Variants in NKAIN2 observed in about 807,000 individuals in gnomAD.
The protein encoded by NKAIN2 is sodium/potassium-transporting ATPase subunit beta-1-interacting protein 2.
In NKAIN2, 14 loss-of-function variants were observed where a neutral mutation model predicts 32.6. The ratio of observed to expected loss-of-function variants is 0.43; its 90% confidence interval spans 0.28 to 0.67. The LOEUF (loss-of-function observed/expected upper bound fraction) is 0.67. Among genes scored for constraint, NKAIN2 ranks in the 30% least tolerant of loss-of-function variants. NKAIN2 has a pLI of 0.17. For synonymous variants in NKAIN2, 80 were observed against 87.2 expected (o/e 0.92, Z 0.46); for missense variants, 198 against 258.3 (o/e 0.77, Z 1.60).
intron 1 of NKAIN2, among the ~76,000 whole-genome samples, chr6:123,948,821 G>A (rs993616628): frequency 6.6e-6 from 1 of 151,434 alleles, no homozygotes. Flanking sequence ...AGGTCTTAGC[G>A]ATAAAATGTT....
chr6:124,351,529 A>G (rs945345765), intron 2 of NKAIN2, among the ~76,000 whole-genome samples: 1 of 151,820 alleles, frequency 6.6e-6, no homozygotes, highest in Non-Finnish European at 1.5e-5. Flanking sequence ...AAAAAAGAAA[A>G]GAAGAAGAAA....
chr6:124,392,464 G>T (rs1376872822), intron 3 of NKAIN2, among the ~76,000 whole-genome samples: 1 of 152,100 alleles, frequency 6.6e-6, no homozygotes, highest in Non-Finnish European at 1.5e-5. Context: ...CATAAGCAAA[G>T]CAGAGATTAA....
Position 123,867,910 on chromosome 6 carries a change from C to T in NKAIN2, c.54+63656C>T, listed in dbSNP as rs1237454093. 3.3e-5 allele frequency among the ~76,000 whole-genome samples: 5 copies of T among 150,196 alleles called. No individual in the cohort carries two copies. In the East Asian group the frequency reaches 9.8e-4, roughly 29 times the overall value. On this transcript the variant is annotated intron_variant, in intron 1 of 6. Coordinates refer to ENST00000368417, the MANE Select transcript of NKAIN2 (RefSeq NM_001040214.3). ...TTCAGACAGAGTCTTGCTCTGTCGC[C>T]CAGGCTGGAGTGCAGTGGCGTGATC...
chr6:124,057,013 TTTG>T (rs1230950655), intron 1 of NKAIN2, among the ~76,000 whole-genome samples: 2 of 152,218 alleles, frequency 1.3e-5, no homozygotes, highest in Middle Eastern at 3.4e-3. Flanking sequence ...TTCCAATTAA[TTTG>T]TTTTCACCTA....
intron 1 of NKAIN2, among the ~76,000 whole-genome samples, chr6:124,256,098 C>T (rs961776262): frequency 6.6e-6 from 1 of 152,154 alleles, no homozygotes; most frequent in Admixed American, 6.5e-5. Context: ...TTAGTCTATT[C>T]TCAGCAAGTC....
intron 2 of NKAIN2, among the ~76,000 whole-genome samples, chr6:124,338,327 A>G (rs117280142): frequency 0.015 from 2,243 of 152,308 alleles, 32 homozygotes; most frequent in Non-Finnish European, 0.022. Context: ...TAGTAATTTA[A>G]ACTCTCTCCC....
chr6:124,789,911 A>C (rs6932595), intron 4 of NKAIN2, among the ~76,000 whole-genome samples: 74,584 of 151,768 alleles, frequency 0.49, 18,451 homozygotes, highest in East Asian at 0.61. Flanking sequence ...TGACTCTCTA[A>C]GATGTGTACT....
At chr6:124,816,613 A>C (rs1415924341) in intron 5 of NKAIN2, among the ~76,000 whole-genome samples, 1 of 152,204 alleles carries the variant, frequency 6.6e-6, no homozygotes, top group East Asian at 1.9e-4. Flanking sequence ...GTTTTTTTCT[A>C]AGAGAAAACA....
chr6:124,656,218 C>T (rs960922643), intron 3 of NKAIN2, among the ~76,000 whole-genome samples: 11 of 152,166 alleles, frequency 7.2e-5, no homozygotes, highest in African/African-American at 2.7e-4. Context: ...AATAGCAGAT[C>T]TCCTACTTTT....
intron 4 of NKAIN2, among the ~76,000 whole-genome samples, chr6:124,767,465 CTCT>C (rs1443352087): frequency 6.6e-6 from 1 of 152,106 alleles, no homozygotes; most frequent in African/African-American, 2.4e-5. Context: ...ATTACCTTTA[CTCT>C]TAAGATGGGG....
At chr6:123,909,694 T>C (rs1198763762) in intron 1 of NKAIN2, among the ~76,000 whole-genome samples, 6 of 152,224 alleles carry the variant, frequency 3.9e-5, no homozygotes, top group Non-Finnish European at 8.8e-5. Context: ...AGACCTAATC[T>C]AGGGCCTCTT....
intron 1 of NKAIN2, among the ~76,000 whole-genome samples, chr6:124,208,125 A>G (rs1226861871): frequency 6.6e-6 from 1 of 151,942 alleles, no homozygotes; most frequent in East Asian, 1.9e-4. Context: ...GCTGTAGGCT[A>G]CAATAGACTT....
At chr6:124,221,485 A>G (rs1423587280) in intron 1 of NKAIN2, among the ~76,000 whole-genome samples, 1 of 151,904 alleles carries the variant, frequency 6.6e-6, no homozygotes, top group Non-Finnish European at 1.5e-5. Flanking sequence ...GCAGCGCACC[A>G]GCGTGGCACA....
At chr6:124,216,673 G>T (rs531004087) in intron 1 of NKAIN2, among the ~76,000 whole-genome samples, 2 of 152,114 alleles carry the variant, frequency 1.3e-5, no homozygotes, top group Non-Finnish European at 2.9e-5. Context: ...GAAAATGTGG[G>T]CACTAAATAA....
chr6:123,984,507 A>G (rs1322887555), intron 1 of NKAIN2, among the ~76,000 whole-genome samples: 1 of 152,168 alleles, frequency 6.6e-6, no homozygotes, highest in Non-Finnish European at 1.5e-5. Flanking sequence ...ACAGTAATAT[A>G]CTGTAATATC....
At chr6:124,026,184 G>A (rs902257028) in intron 1 of NKAIN2, among the ~76,000 whole-genome samples, 2 of 152,058 alleles carry the variant, frequency 1.3e-5, no homozygotes, top group African/African-American at 4.8e-5. Context: ...ATTTTTGAAG[G>A]TTCCTGTGTT....
In NKAIN2 at chr6:124,270,338, C is replaced by G. The variant is rs77179071; in HGVS notation, c.55-12667C>G. ...AAACACACAAATATTTATCAAGACCCAAACAGAAAGCTGTCTATACATTGT... is the reference window on the plus strand; with the variant it reads ...AAACACACAAATATTTATCAAGACCGAAACAGAAAGCTGTCTATACATTGT... On this transcript the variant is annotated intron_variant, in intron 1 of 6. Coordinates refer to ENST00000368417, the MANE Select transcript of NKAIN2 (RefSeq NM_001040214.3). 3.3e-5 allele frequency among the ~76,000 whole-genome samples: 5 copies of G among 151,938 alleles called. No homozygotes were observed. The East Asian group carries it at 7.7e-4, about 23-fold the overall frequency.
At chr6:124,729,736 G>C (rs1054692327) in intron 4 of NKAIN2, among the ~76,000 whole-genome samples, 1 of 151,200 alleles carries the variant, frequency 6.6e-6, no homozygotes, top group Non-Finnish European at 1.5e-5. Context: ...AGGAAATAAA[G>C]GGTATTCAAT....
At chr6:124,304,918 A>T (rs1374450751) in intron 2 of NKAIN2, among the ~76,000 whole-genome samples, 1 of 152,168 alleles carries the variant, frequency 6.6e-6, no homozygotes, top group Non-Finnish European at 1.5e-5. Context: ...CCTCCAAAAA[A>T]AAAAGTCTGT....
Sources: gnomAD v4.1 joint callset for allele counts (sites outside exome capture counted in the v4.1 genomes callset) on GRCh38, gnomAD v4.1.1 for gene constraint, MANE v1.5 for transcripts, NCBI Gene and HGNC (gene_info 2026-07-23, HGNC 2026-07-21) for gene names.